DERL1: variants seen among roughly 807,000 people sequenced by gnomAD.
The protein encoded by DERL1 is derlin 1.
A neutral mutation model predicts 41.6 loss-of-function variants in DERL1; 24 were observed. The ratio of observed to expected loss-of-function variants is 0.58; its 90% CI spans 0.42 to 0.81. DERL1 has a LOEUF of 0.81. DERL1 is among the 30% of genes least tolerant of loss of function. The probability of loss-of-function intolerance (pLI) is 0.00; values close to 1 mark genes in which losing one functional copy is unlikely to be tolerated. For synonymous variants in DERL1, 124 were observed against 112.5 expected (o/e 1.10, Z -0.65); for missense variants, 260 against 314.3 (o/e 0.83, Z 1.31).
chr8:123,028,897 T>G (rs532031001), intron 2 of DERL1, among the ~76,000 whole-genome samples: 2 of 152,068 alleles, frequency 1.3e-5, no homozygotes, highest in Non-Finnish European at 2.9e-5. Flanking sequence ...TGAAACCCCA[T>G]CTCTACAAAA....
intron 6 of DERL1, among the ~76,000 whole-genome samples, chr8:123,021,089 A>G (rs1176278789): frequency 6.6e-6 from 1 of 152,208 alleles, no homozygotes; most frequent in East Asian, 1.9e-4. Context: ...CCTTAAGAAT[A>G]TAAGACATAG....
chr8:123,016,102 G>A (rs965181565), intron 7 of DERL1: 1 of 152,218 alleles, frequency 6.6e-6, no homozygotes, highest in South Asian at 2.1e-4. Flanking sequence ...TTGGAAGTAT[G>A]GGTATGTTTT....
intron 1 of DERL1, among the ~76,000 whole-genome samples, chr8:123,032,891 T>TCTCA (rs1812847569): frequency 6.7e-6 from 1 of 148,322 alleles, no homozygotes; most frequent in Non-Finnish European, 1.5e-5. Flanking sequence ...TGAGACAAGG[T>TCTCA]CTCAGTCTGT....
chr8:123,039,194 G>A (rs1211930590), intron 1 of DERL1, among the ~76,000 whole-genome samples: 1 of 151,996 alleles, frequency 6.6e-6, no homozygotes, highest in Non-Finnish European at 1.5e-5. Context: ...CCTCCTAACT[G>A]GATTCATCTC....
intron 1 of DERL1, among the ~76,000 whole-genome samples, chr8:123,033,712 C>T (rs960089627): frequency 6.6e-6 from 1 of 152,206 alleles, no homozygotes; most frequent in Non-Finnish European, 1.5e-5. Context: ...CACTGCACTC[C>T]AGCCTGGGCA....
chr8:123,037,310 T>C (rs907703618), intron 1 of DERL1, among the ~76,000 whole-genome samples: 3 of 152,224 alleles, frequency 2.0e-5, no homozygotes, highest in Admixed American at 1.3e-4. Flanking sequence ...CGTTCCTGTG[T>C]TTCTGAAATT....
At chr8:123,038,651 C>G (rs764779273) in intron 1 of DERL1, among the ~76,000 whole-genome samples, 11 of 152,162 alleles carry the variant, frequency 7.2e-5, no homozygotes, top group Non-Finnish European at 1.2e-4. Flanking sequence ...TCACTAGTGT[C>G]ACTACACAAG....
intron 7 of DERL1, 188 bp downstream of exon 7, chr8:123,018,996 AGTAACAGGAAG>A: frequency 1.7e-6 from 1 of 595,556 alleles, no homozygotes; most frequent in Non-Finnish European, 3.0e-6. Context: ...TGGCTAAAAG[AGTAACAGGAAG>A]GCAACTGAGC....
chr8:123,021,434 T>C lies in DERL1; in HGVS notation c.506+13A>G, dbSNP rs1447313487. ...GGATTAGTTTCCAATTAAATAAATC[T>C]AATATCACTTACGAGCCTCCGATGA... On this transcript the variant is annotated intron_variant, in intron 6 of 7. Coordinates refer to ENST00000259512, the MANE Select transcript of DERL1 (RefSeq NM_024295.6). 1 of 1,609,728 alleles carries C rather than the reference T, an allele frequency of 6.2e-7. No individual in the cohort carries two copies.
At position 123,014,666 on chromosome 8, in the gene DERL1, A is replaced by T. The variant is rs1314014862; in HGVS notation, c.*781T>A. The stretch of plus-strand genomic sequence containing the variant: ...AAAGGGGTTGCATCCCCCATGGTTT[A>T]AACCTAACCCATGTTAGCTGCAACT... On this transcript the variant is annotated 3_prime_UTR_variant, in exon 8 of 8. Transcript: ENST00000259512. 6.6e-6 allele frequency: 1 copy of T among 152,296 alleles called. No homozygotes were observed. The highest frequency in any genetic ancestry group is 2.4e-5 in the African/African-American group (1 of 41,458). 9.4% of individuals were successfully genotyped at this position (152,296 alleles called of 1,614,324 possible).
chr8:123,033,232 T>A (rs1366446314), intron 1 of DERL1, among the ~76,000 whole-genome samples: 1 of 152,172 alleles, frequency 6.6e-6, no homozygotes, highest in East Asian at 1.9e-4. Context: ...TATCTCCCCC[T>A]TTTTTTCTTC....
chr8:123,019,102 A>T, intron 7 of DERL1, 93 bp downstream of exon 7: 1 of 846,726 alleles, frequency 1.2e-6, no homozygotes. Flanking sequence ...GATGGGGCAT[A>T]GGGGTAAATC....
At chr8:123,025,074 G>A in intron 2 of DERL1, 24 bp from the exon 3 acceptor site, 2 of 1,609,922 alleles carry the variant, frequency 1.2e-6, no homozygotes, top group Non-Finnish European at 1.7e-6. Context: ...CAAGCCAAAT[G>A]TCATGGTTCA....
At chr8:123,023,255 C>T (rs1419736744) in intron 4 of DERL1, among the ~76,000 whole-genome samples, 2 of 152,094 alleles carry the variant, frequency 1.3e-5, no homozygotes, top group African/African-American at 4.8e-5. Flanking sequence ...GACTTAAGAT[C>T]CTCAAAATAA....
At chr8:123,040,502 A>G (rs1259454709) in intron 1 of DERL1, among the ~76,000 whole-genome samples, 2 of 152,208 alleles carry the variant, frequency 1.3e-5, no homozygotes, top group Non-Finnish European at 2.9e-5. Flanking sequence ...GTAGTAGGAG[A>G]TGAGGTCAGA....
chr8:123,023,811 T>G, intron 3 of DERL1, 72 bp from the exon 4 acceptor site: 1 of 1,535,550 alleles, frequency 6.5e-7, no homozygotes. Flanking sequence ...GTGGTTATTT[T>G]CCTCCCATTT....
chr8:123,041,984 G>C lies in DERL1; in HGVS notation c.139C>G (p.Leu47Val). ...AYLFLWPEAFLYRFQIWRPIT... is the reference protein window; with the variant it reads ...AYLFLWPEAFVYRFQIWRPIT... The stretch of plus-strand genomic sequence containing the variant: ...CCGGTAAGTACCTGAAAGCGATAAA[G>C]GAAGGCTTCGGGCCAGAGGAAGAGG... The change falls in exon 1 of 8, where the codon CTT becomes GTT. Residue 47 changes from leucine (L) to valine (V), a missense_variant. Leu to Val is a conservative substitution (Grantham distance 32). Transcript: ENST00000259512. The C allele has an allele frequency of 3.1e-6, 5 of 1,612,052 alleles. No homozygotes were observed. The highest frequency in any genetic ancestry group is 1.1e-5 in the South Asian group (1 of 90,872).
rs775639232 is a variant in DERL1 at position 123,024,946 on chromosome 8, C to T, written c.330+40G>A. 6.3e-5 allele frequency: 101 copies of T among 1,596,834 alleles called. 1 individual carries two copies. Among genetic ancestry groups the T allele is most frequent in the Non-Finnish European group, 8.2e-5 (96 of 1,172,280 alleles). On this transcript the variant is annotated intron_variant, in intron 3 of 7. Coordinates refer to ENST00000259512, the MANE Select transcript of DERL1 (RefSeq NM_024295.6). ...CTATTTCCCCAAACCTGGAAAAAAA[C>T]TGGTTTATTTCTGGCCCAAAATCAC...
At chr8:123,023,324 G>A (rs12547932) in intron 4 of DERL1, among the ~76,000 whole-genome samples, 14,856 of 152,206 alleles carry the variant, frequency 0.098, 950 homozygotes, top group Non-Finnish European at 0.13. Flanking sequence ...TTGGGAGGCC[G>A]AGGCAGGCGG....
Sources: allele counts gnomAD v4.1 joint callset (sites outside exome capture counted in the v4.1 genomes callset), GRCh38; gene constraint gnomAD v4.1.1; transcripts MANE v1.5; gene names NCBI Gene and HGNC (gene_info 2026-07-23, HGNC 2026-07-21).